TTC28: variants seen among roughly 807,000 people sequenced by gnomAD.
TTC28 encodes tetratricopeptide repeat domain 28, also known as tetratricopeptide repeat protein 28.
A neutral mutation model predicts 198.0 loss-of-function variants in TTC28; 61 were observed. The observed-to-expected ratio is 0.31, with a 90% confidence interval of 0.25 to 0.38. The LOEUF (loss-of-function observed/expected upper bound fraction) is 0.38. TTC28 is among the 10% of genes least tolerant of loss of function. The pLI, the probability that TTC28 is intolerant of heterozygous loss-of-function variation, is 1.00. For synonymous variants in TTC28, 1,171 were observed against 1,297.8 expected, an observed-to-expected ratio of 0.90 and a Z score of 2.10; for missense variants, 2,678 against 3,164.0, an observed-to-expected ratio of 0.85 and a Z score of 3.69.
intron 12 of TTC28, among the ~76,000 whole-genome samples, chr22:28,089,602 C>T (rs1419777752): frequency 6.0e-5 from 9 of 149,334 alleles, no homozygotes; most frequent in Non-Finnish European, 1.2e-4. Context: ...CAGCATGGCA[C>T]GTGTATACAT....
At chr22:28,221,225 T>G (rs570540843) in intron 5 of TTC28, among the ~76,000 whole-genome samples, 2 of 152,014 alleles carry the variant, frequency 1.3e-5, no homozygotes, top group South Asian at 4.2e-4. Flanking sequence ...GTACTGGGAA[T>G]TGGAAGGCTA....
At chr22:28,531,670 C>T (rs2049143087) in intron 2 of TTC28, among the ~76,000 whole-genome samples, 1 of 152,146 alleles carries the variant, frequency 6.6e-6, no homozygotes, top group Admixed American at 6.5e-5. Flanking sequence ...TAAAGCACTC[C>T]CCAGCAAATG....
intron 2 of TTC28, among the ~76,000 whole-genome samples, chr22:28,417,243 C>T (rs2047179983): frequency 7.2e-6 from 1 of 138,552 alleles, no homozygotes; most frequent in Admixed American, 7.8e-5. Flanking sequence ...GTGGGAGGAT[C>T]ACATCAGCCC....
chr22:28,661,543 C>T (rs1321487105), intron 1 of TTC28, among the ~76,000 whole-genome samples: 1 of 152,056 alleles, frequency 6.6e-6, no homozygotes, highest in Non-Finnish European at 1.5e-5. Flanking sequence ...CCTCAGCCTC[C>T]TGAGTAGCTG....
At chr22:28,159,658 C>CAAA (rs135652) in intron 6 of TTC28, among the ~76,000 whole-genome samples, 5 of 70,084 alleles carry the variant, frequency 7.1e-5, no homozygotes, top group African/African-American at 2.8e-4. Flanking sequence ...GACTCTGTCT[C>CAAA]AAAAAAAAAA....
chr22:28,183,883 T>C (rs1285603464), intron 5 of TTC28, among the ~76,000 whole-genome samples: 1 of 152,240 alleles, frequency 6.6e-6, no homozygotes, highest in Admixed American at 6.5e-5. Context: ...CATAGTACTA[T>C]GCTCTTTAAA....
rs887282993 is a variant in TTC28 at position 27,979,776 on chromosome 22, A to G, written c.*2445T>C. On this transcript the variant is annotated 3_prime_UTR_variant, in exon 23 of 23. Coordinates refer to ENST00000397906, the MANE Select transcript of TTC28 (RefSeq NM_001145418.2). Reference sequence around the variant, plus strand: ...GATTTTACATCCATTTTACTCATACAAGAACACCAAGACTGACATACACGT... The same window carrying G: ...GATTTTACATCCATTTTACTCATACGAGAACACCAAGACTGACATACACGT... The G allele has an allele frequency of 6.6e-6, 1 of 152,252 alleles. No homozygotes were observed. The highest frequency in any genetic ancestry group is 2.4e-5 in the African/African-American group (1 of 41,468). The allele number at this position is 152,252 out of a possible 1,614,324, so 9.4% of individuals were successfully genotyped here.
chr22:28,579,598 C>A (rs940729616), intron 2 of TTC28, among the ~76,000 whole-genome samples: 1 of 148,720 alleles, frequency 6.7e-6, no homozygotes, highest in Admixed American at 6.7e-5. Flanking sequence ...TATATATACA[C>A]GAAAAAATTA....
intron 2 of TTC28, among the ~76,000 whole-genome samples, chr22:28,453,172 C>T (rs2047810609): frequency 2.6e-5 from 4 of 152,216 alleles, no homozygotes; most frequent in Admixed American, 2.6e-4. Flanking sequence ...AGCCACTCAA[C>T]ATCTTTTCAA....
chr22:28,033,090 C>G (rs1480581084), intron 12 of TTC28, among the ~76,000 whole-genome samples: 1 of 152,166 alleles, frequency 6.6e-6, no homozygotes, highest in Non-Finnish European at 1.5e-5. Flanking sequence ...TATCATTCAG[C>G]CTTTGCAAAG....
At chr22:28,392,870 C>CTTTTTTTTTTTTT (rs1245558034) in intron 2 of TTC28, among the ~76,000 whole-genome samples, 1 of 80,678 alleles carries the variant, frequency 1.2e-5, no homozygotes, top group African/African-American at 5.0e-5. Context: ...TTCCTCCCTC[C>CTTTTTTTTTTTTT]TTTTTTTTTT....
intron 2 of TTC28, among the ~76,000 whole-genome samples, chr22:28,529,315 C>G (rs948448312): frequency 6.6e-6 from 1 of 152,210 alleles, no homozygotes; most frequent in Non-Finnish European, 1.5e-5. Context: ...ACTGCTAGCA[C>G]AGCAGTCTGA....
intron 2 of TTC28, among the ~76,000 whole-genome samples, chr22:28,530,859 T>A (rs962090711): frequency 6.6e-6 from 1 of 152,148 alleles, no homozygotes; most frequent in African/African-American, 2.4e-5. Context: ...AAGCAAATGC[T>A]GAGAGATTTT....
intron 15 of TTC28, chr22:28,000,220 C>G (rs954026693): frequency 2.0e-5 from 3 of 152,168 alleles, no homozygotes; most frequent in African/African-American, 7.2e-5. Context: ...TGAACTGATT[C>G]TTTGCTTCAT....
intron 2 of TTC28, among the ~76,000 whole-genome samples, chr22:28,390,160 A>G (rs2046691122): frequency 6.6e-6 from 1 of 152,202 alleles, no homozygotes; most frequent in South Asian, 2.1e-4. Flanking sequence ...GTTTTGAGTG[A>G]GAATCTTAAC....
At chr22:28,194,007 C>A (rs560494636) in intron 5 of TTC28, among the ~76,000 whole-genome samples, 18 of 152,320 alleles carry the variant, frequency 1.2e-4, no homozygotes, top group Middle Eastern at 6.8e-3. Flanking sequence ...CCACATCACA[C>A]TTATTCCAAA....
chr22:28,074,993 C>A (rs1375670762), intron 12 of TTC28, among the ~76,000 whole-genome samples: 1 of 152,070 alleles, frequency 6.6e-6, no homozygotes, highest in Non-Finnish European at 1.5e-5. Context: ...CCAGCTGAGA[C>A]ACGAGAATCG....
At chr22:28,594,045 A>G (rs2050490324) in intron 2 of TTC28, among the ~76,000 whole-genome samples, 1 of 152,124 alleles carries the variant, frequency 6.6e-6, no homozygotes. Flanking sequence ...TACAAAGACG[A>G]AAACAAAAAG....
chr22:28,583,197 T>C (rs2050256838), intron 2 of TTC28, among the ~76,000 whole-genome samples: 1 of 152,192 alleles, frequency 6.6e-6, no homozygotes, highest in South Asian at 2.1e-4. Context: ...TTTTATAAAA[T>C]CATTTTTTAA....
Sources: gnomAD v4.1 joint callset for allele counts (sites outside exome capture counted in the v4.1 genomes callset) on GRCh38, gnomAD v4.1.1 for gene constraint, MANE v1.5 for transcripts, NCBI Gene and HGNC (gene_info 2026-07-23, HGNC 2026-07-21) for gene names.